The following ZNF484 variants were observed in gnomAD, a reference collection of about 807,000 sequenced individuals.
ZNF484 encodes KRAB box containing C2H2 type zinc finger bA526D8.4.
ZNF484 carries 11 observed loss-of-function variants against 12.9 expected under a neutral mutation model. The observed-to-expected ratio is 0.85, with a 90% CI of 0.54 to 1.41. The LOEUF is 1.41. ZNF484 is among the 40% of genes most tolerant of loss of function. ZNF484 has a pLI of 0.00. For synonymous variants in ZNF484, 289 were observed against 334.1 expected (o/e 0.86, Z 1.47); for missense variants, 807 against 1,007.7 (o/e 0.80, Z 2.70).
Position 92,848,339 on chromosome 9 carries a change from C to G in ZNF484, c.448G>C (p.Asp150His), listed in dbSNP as rs1242608967. Residue 150 changes from aspartate (D) to histidine (H), a missense_variant, in exon 5 of 5, where the codon GAC (aspartate) becomes CAC (histidine). Asp to His is a moderately conservative substitution (Grantham distance 81). Coordinates refer to ENST00000375495, the MANE Select transcript of ZNF484 (RefSeq NM_031486.4). This position sits in a 1 kb window ranked among gnomAD's most constrained non-coding sequence, Gnocchi z 4.1. ...VFINKKTLANDSIFEYKDIGE... is the reference protein window; with the variant it reads ...VFINKKTLANHSIFEYKDIGE... ...ATGTCCTTATATTCAAAGATGCTGT[C>G]ATTAGCTAGTGTTTTCTTGTTAATG... 3 of 1,614,052 alleles carry G rather than the reference C, an allele frequency of 1.9e-6. No individual in the cohort carries two copies. The Admixed American group carries it at 5.0e-5, about 27-fold the overall frequency.
Position 92,846,716 on chromosome 9 carries a change from G to A in ZNF484, c.2071C>T (p.His691Tyr). Residue 691 changes from histidine (H) to tyrosine (Y), a missense_variant, in exon 5 of 5, where the codon CAT becomes TAT. Coordinates refer to ENST00000375495, the MANE Select transcript of ZNF484 (RefSeq NM_031486.4). Reference protein sequence around the residue: ...IHQQSHTGERHYECSECGKAF... With the variant: ...IHQQSHTGERYYECSECGKAF... ...TTCCCACATTCACTGCACTCATAAT[G>A]CCTTTCTCCAGTATGGGATTGCTGA... is the stretch of plus-strand genomic sequence containing the variant. The A allele has an allele frequency of 1.2e-6, 2 of 1,614,030 alleles. No homozygotes were observed. The highest frequency in any genetic ancestry group is 1.7e-6 in the Non-Finnish European group (2 of 1,179,990).
At chr9:92,875,258 G>A (rs1250704920) in intron 1 of ZNF484, among the ~76,000 whole-genome samples, 199 bp from the exon 2 acceptor site, 1 of 152,140 alleles carries the variant, frequency 6.6e-6, no homozygotes, top group Non-Finnish European at 1.5e-5. Flanking sequence ...TAATAAAAAA[G>A]AAAGATTAGA....
chr9:92,869,894 T>G (rs1258721454), intron 2 of ZNF484, among the ~76,000 whole-genome samples: 1 of 152,192 alleles, frequency 6.6e-6, no homozygotes, highest in Non-Finnish European at 1.5e-5. Context: ...TAGGTAAAAC[T>G]TTCATGACAT....
chr9:92,875,052 G>A lies in ZNF484; in HGVS notation c.-23C>T. 1 of 1,613,914 alleles carries A rather than the reference G, an allele frequency of 6.2e-7. No homozygotes were observed. Among genetic ancestry groups the A allele is most frequent in the Non-Finnish European group, 8.5e-7 (1 of 1,179,924 alleles). The stretch of plus-strand genomic sequence containing the variant: ...CATTTTTGGCTCTTCGGACAAAGGG[G>A]CAGAAATCTGAGAAAACAGATGGGT... On this transcript the variant is annotated 5_prime_UTR_variant, in exon 2 of 5. Coordinates refer to ENST00000375495, the MANE Select transcript of ZNF484 (RefSeq NM_031486.4).
At chr9:92,876,105 T>G (rs557548571) in intron 1 of ZNF484, among the ~76,000 whole-genome samples, 13 of 152,254 alleles carry the variant, frequency 8.5e-5, no homozygotes, top group South Asian at 2.1e-4. Context: ...TAGGAAAATA[T>G]TGTTTAGCAA....
chr9:92,856,331 A>AAC lies in ZNF484; in HGVS notation c.16-14_16-13insGT. The AAC allele has an allele frequency of 6.5e-7, 1 of 1,539,158 alleles. No homozygotes were observed. Among genetic ancestry groups the AAC allele is most frequent in the Non-Finnish European group, 8.7e-7 (1 of 1,148,502 alleles). Reference sequence around the variant, plus strand: ...ATGACACTGATTCCTGTTAAAAAAAAAAAACAAACTTTAAAATAATTTTTT... The same window carrying AAC: ...ATGACACTGATTCCTGTTAAAAAAAAACAAAACAAACTTTAAAATAATTTTTT... On this transcript the variant is annotated splice_polypyrimidine_tract_variant and intron_variant, in intron 2 of 4. Transcript: ENST00000375495.
chr9:92,845,977 T>G lies in ZNF484; in HGVS notation c.*251A>C. 2.1e-6 allele frequency: 1 copy of G among 480,416 alleles called. No individual in the cohort carries two copies. The highest frequency in any genetic ancestry group is 3.7e-6 in the Non-Finnish European group (1 of 272,036). The allele number at this position is 480,416 out of a possible 1,614,324, so 29.8% of individuals were successfully genotyped here. Reference sequence around the variant, plus strand: ...ATTATGAATTTTTGCGGGTCAATATTGAATAGTTGTGGTACCCAGAACATG... The same window carrying G: ...ATTATGAATTTTTGCGGGTCAATATGGAATAGTTGTGGTACCCAGAACATG... On this transcript the variant is annotated 3_prime_UTR_variant, in exon 5 of 5. Transcript: ENST00000375495. The surrounding 1 kb of genome is among the most constrained non-coding windows in gnomAD (Gnocchi z 4.0).
intron 2 of ZNF484, among the ~76,000 whole-genome samples, chr9:92,858,097 C>A (rs761489765): frequency 6.6e-6 from 1 of 152,056 alleles, no homozygotes; most frequent in Non-Finnish European, 1.5e-5. Flanking sequence ...AAAGATAGGA[C>A]CACATATCCA....
rs1363103075 is a variant in ZNF484, at chr9:92,846,705, G to C, written c.2082C>G (p.Cys694Trp). The change falls in exon 5 of 5, where the codon TGC (cysteine) becomes TGG (tryptophan). Residue 694 changes from cysteine to tryptophan, a missense_variant. By Grantham distance (215) the Cys-to-Trp change is radical. Transcript: ENST00000375495. ...QSHTGERHYE[C>W]SECGKAFARK... Reference sequence around the variant, plus strand: ...TTGCAAAGGCTTTCCCACATTCACTGCACTCATAATGCCTTTCTCCAGTAT... The same window carrying C: ...TTGCAAAGGCTTTCCCACATTCACTCCACTCATAATGCCTTTCTCCAGTAT... 3.1e-6 allele frequency: 5 copies of C among 1,613,868 alleles called. No individual in the cohort carries two copies. The highest frequency in any genetic ancestry group is 1.3e-5 in the African/African-American group (1 of 74,854).
intron 3 of ZNF484, 109 bp downstream of exon 3, chr9:92,856,083 T>G (rs1255649941): frequency 5.4e-6 from 8 of 1,488,592 alleles, no homozygotes; most frequent in Non-Finnish European, 6.4e-6. Context: ...CCTGCAGTCT[T>G]TAGAAGTCCC....
At chr9:92,866,274 G>A (rs891358303) in intron 2 of ZNF484, among the ~76,000 whole-genome samples, 1 of 152,122 alleles carries the variant, frequency 6.6e-6, no homozygotes, top group Non-Finnish European at 1.5e-5. Context: ...AGATTCTACA[G>A]GGAACTTAAA....
intron 2 of ZNF484, among the ~76,000 whole-genome samples, chr9:92,858,351 A>G (rs1032807467): frequency 1.3e-5 from 2 of 152,046 alleles, no homozygotes; most frequent in African/African-American, 4.8e-5. Flanking sequence ...TTTTTTTTTT[A>G]AAGAAAAAAA....
intron 2 of ZNF484, among the ~76,000 whole-genome samples, chr9:92,866,997 G>T (rs937271060): frequency 7.2e-5 from 11 of 152,128 alleles, no homozygotes; most frequent in Non-Finnish European, 1.5e-4. Context: ...ATCAAGGGGT[G>T]GGGGGATAAG....
At chr9:92,859,736 A>G (rs1856668759) in intron 2 of ZNF484, among the ~76,000 whole-genome samples, 1 of 152,200 alleles carries the variant, frequency 6.6e-6, no homozygotes, top group African/African-American at 2.4e-5. Flanking sequence ...AGGTTCCACA[A>G]TTCACAGAAG....
At position 92,848,078 on chromosome 9, in the gene ZNF484, C is replaced by A; in HGVS notation, c.709G>T (p.Ala237Ser). The A allele has an allele frequency of 6.2e-7, 1 of 1,614,164 alleles. No homozygotes were observed. Among genetic ancestry groups the A allele is most frequent in the East Asian group, 2.2e-5 (1 of 44,878 alleles). Residue 237 changes from alanine to serine, a missense_variant, in exon 5 of 5, where the codon GCT becomes TCT. Physicochemically the swap from Ala to Ser is moderately conservative, Grantham distance 99. Coordinates refer to ENST00000375495, the MANE Select transcript of ZNF484 (RefSeq NM_031486.4). This position sits in a 1 kb window ranked among gnomAD's most constrained non-coding sequence, Gnocchi z 4.1. The stretch of plus-strand genomic sequence containing the variant: ...TGAATTTTCTGTTGTTGAATGAGAG[C>A]TTGCTTATGATGCAGAGGTTTCCCA... ...QCGKPLHHKQ[A>S]LIQQQKIHTR...
intron 2 of ZNF484, among the ~76,000 whole-genome samples, chr9:92,860,538 A>G (rs1265693428): frequency 6.8e-6 from 1 of 146,870 alleles, no homozygotes; most frequent in Non-Finnish European, 1.5e-5. Context: ...CGGGAGGCGG[A>G]GCTTGCAGTG....
At chr9:92,869,487 T>G (rs553839700) in intron 2 of ZNF484, among the ~76,000 whole-genome samples, 1 of 152,270 alleles carries the variant, frequency 6.6e-6, no homozygotes, top group Non-Finnish European at 1.5e-5. Flanking sequence ...TTTGGGAGGC[T>G]AAGGTGGGCA....
At position 92,856,231 on chromosome 9, in the gene ZNF484, C is replaced by G; in HGVS notation, c.103G>C (p.Glu35Gln). ...LDLAQKSLYR[E>Q]VMLENYFNLI... ...TTGAAATAGTTTTCCAGCATCACTTCTCTGTACAGGCTTTTCTGAGCAAGG... is the reference window on the plus strand; with the variant it reads ...TTGAAATAGTTTTCCAGCATCACTTGTCTGTACAGGCTTTTCTGAGCAAGG... Residue 35 changes from glutamate (E) to glutamine (Q), a missense_variant, in exon 3 of 5, where the codon GAA becomes CAA. Transcript: ENST00000375495. The G allele has an allele frequency of 6.2e-7, 1 of 1,613,924 alleles. No homozygotes were observed. The highest frequency in any genetic ancestry group is 1.1e-5 in the South Asian group (1 of 91,068).
chr9:92,846,786 A>G lies in ZNF484; in HGVS notation c.2001T>C (p.Ser667=), dbSNP rs1202129165. 1.9e-6 allele frequency: 3 copies of G among 1,613,978 alleles called. No individual in the cohort carries two copies. Among genetic ancestry groups the G allele is most frequent in the African/African-American group, 1.3e-5 (1 of 74,992 alleles). The change falls in exon 5 of 5, where the codon AGT becomes AGC. Residue 667 remains serine (S), a synonymous_variant. Coordinates refer to ENST00000375495, the MANE Select transcript of ZNF484 (RefSeq NM_031486.4). ...IHTGEKPYKC[S]DCGKAFTRKS... ...TCCTAGTGAAGGCTTTCCCACAGTC[A>G]CTACATTTATAAGGTTTCTCTCCAG...
Sources: gnomAD v4.1 joint callset for allele counts (sites outside exome capture counted in the v4.1 genomes callset) on GRCh38, gnomAD v4.1.1 for gene constraint, Gnocchi (gnomAD v3.1) non-coding constraint, MANE v1.5 for transcripts, NCBI Gene and HGNC (gene_info 2026-07-23, HGNC 2026-07-21) for gene names.